Variants in BFAR observed in about 807,000 individuals in gnomAD.
BFAR encodes bifunctional apoptosis regulator.
BFAR carries 52 observed loss-of-function variants against 54.4 expected under a neutral mutation model. That is an observed-to-expected ratio of 0.96 (90% confidence interval 0.77 to 1.21). BFAR has a LOEUF of 1.21. BFAR is among the 50% of genes most tolerant of loss of function. The probability of loss-of-function intolerance (pLI) is 0.00; values close to 1 mark genes in which losing one functional copy is unlikely to be tolerated. For synonymous variants in BFAR, 215 were observed against 204.3 expected (o/e 1.05, Z -0.45); for missense variants, 571 against 534.0 (o/e 1.07, Z -0.68).
In BFAR at chr16:14,655,110, A is replaced by G. The variant is rs370231919; in HGVS notation, c.683A>G (p.Tyr228Cys). 11 of 1,612,464 alleles carry G rather than the reference A, an allele frequency of 6.8e-6. 1 individual carries two copies. The Admixed American group carries it at 1.3e-4, about 20-fold the overall frequency. The change falls in exon 5 of 8, where the codon TAT becomes TGT. Residue 228 changes from tyrosine (Y) to cysteine (C), a missense_variant. Physicochemically the swap from Tyr to Cys is radical, Grantham distance 194 (BLOSUM62 -2). Transcript: ENST00000261658. ...GAGGAAGAATTTTCCAAGACGCCCT[A>G]TACCATAGAAAACAGCAGCCACAGG... ...LTEEEFSKTP[Y>C]TIENSSHRRA...
chr16:14,642,639 G>A (rs570828864), intron 1 of BFAR, among the ~76,000 whole-genome samples: 1 of 152,102 alleles, frequency 6.6e-6, no homozygotes, highest in Non-Finnish European at 1.5e-5. Context: ...AGGGTATATT[G>A]AGCCATGGCA....
At chr16:14,652,222 GC>G (rs1181625754) in intron 4 of BFAR, among the ~76,000 whole-genome samples, 2 of 151,772 alleles carry the variant, frequency 1.3e-5, no homozygotes, top group Admixed American at 6.6e-5. Context: ...AAGGGATACA[GC>G]AGCTATGAGC....
In BFAR at chr16:14,644,279, T is replaced by C. The variant is rs550075458; in HGVS notation, c.-68T>C. ...TCTCTGTTTTTTTTTTCTAGATTAA[T>C]GATGTTTTGCAGCAGTTTTCTACGT... On this transcript the variant is annotated 5_prime_UTR_variant, in exon 2 of 8. An upstream start codon of the reference 5' UTR is lost. Transcript: ENST00000261658. 6.2e-6 allele frequency: 9 copies of C among 1,446,468 alleles called. No homozygotes were observed. In the East Asian group the frequency reaches 1.8e-4, roughly 29 times the overall value. 89.6% of individuals were successfully genotyped at this position (1,446,468 alleles called of 1,614,324 possible).
In BFAR at chr16:14,651,914, T is replaced by G. The variant is rs1421043339; in HGVS notation, c.638+1941T>G. Among the ~76,000 whole-genome samples the G allele has an allele frequency of 3.6e-5, 5 of 137,950 alleles. No homozygotes were observed. In the East Asian group the frequency reaches 1.1e-3, roughly 30 times the overall value. The allele number at this position is 137,950 out of a possible 152,430, so 90.5% of individuals were successfully genotyped here. A position where few individuals can be genotyped will look rare whatever the true frequency, so the allele number is the denominator to read the frequency against. On this transcript the variant is annotated intron_variant, in intron 4 of 7. Coordinates refer to ENST00000261658, the MANE Select transcript of BFAR (RefSeq NM_016561.3). Reference sequence around the variant, plus strand: ...TTTTTTTTTTTTTTTTTAGATGGAGTCTCGCTCTGTCCTTCAGGCTGGAGT... The same window carrying G: ...TTTTTTTTTTTTTTTTTAGATGGAGGCTCGCTCTGTCCTTCAGGCTGGAGT...
chr16:14,650,094 G>A, intron 4 of BFAR, 121 bp downstream of exon 4: 2 of 995,978 alleles, frequency 2.0e-6, no homozygotes, highest in South Asian at 2.4e-5. Context: ...GGCCGAGGCG[G>A]ATCGATCATT....
chr16:14,634,628 G>C (rs920903867), intron 1 of BFAR, among the ~76,000 whole-genome samples: 4 of 152,184 alleles, frequency 2.6e-5, no homozygotes, highest in African/African-American at 9.6e-5. Flanking sequence ...CAGGAGACCA[G>C]ACCAACCTAG....
chr16:14,648,683 A>C, intron 3 of BFAR, 91 bp downstream of exon 3: 1 of 919,760 alleles, frequency 1.1e-6, no homozygotes, highest in South Asian at 1.5e-5. Flanking sequence ...GAAATCACTG[A>C]AATAATTGAT....
chr16:14,649,070 CTTTTTTTTTTT>C (rs544187036), intron 3 of BFAR, among the ~76,000 whole-genome samples: 2 of 104,472 alleles, frequency 1.9e-5, no homozygotes, highest in African/African-American at 3.8e-5. Flanking sequence ...ATCTCTTGCT[CTTTTTTTTTTT>C]TTTTTTTTTT....
chr16:14,638,021 C>T (rs1422812264), intron 1 of BFAR, among the ~76,000 whole-genome samples: 7 of 151,280 alleles, frequency 4.6e-5, no homozygotes, highest in Non-Finnish European at 7.4e-5. Context: ...TAATATATAA[C>T]GAGAGAATTT....
intron 3 of BFAR, among the ~76,000 whole-genome samples, chr16:14,649,070 C>CTTTTTTTT (rs544187036): frequency 4.8e-5 from 5 of 104,486 alleles, no homozygotes; most frequent in Non-Finnish European, 9.4e-5. Context: ...ATCTCTTGCT[C>CTTTTTTTT]TTTTTTTTTT....
At chr16:14,639,565 T>C (rs1475916532) in intron 1 of BFAR, among the ~76,000 whole-genome samples, 1 of 152,138 alleles carries the variant, frequency 6.6e-6, no homozygotes, top group Non-Finnish European at 1.5e-5. Context: ...ACCTCCATTT[T>C]GGTAGACAGA....
chr16:14,645,611 G>A (rs1959769186), intron 2 of BFAR, among the ~76,000 whole-genome samples: 1 of 152,102 alleles, frequency 6.6e-6, no homozygotes, highest in Non-Finnish European at 1.5e-5. Context: ...AAAGTTCCAT[G>A]AACCCAACCT....
intron 4 of BFAR, among the ~76,000 whole-genome samples, chr16:14,653,477 G>A (rs1211792526): frequency 3.9e-5 from 6 of 151,904 alleles, no homozygotes; most frequent in South Asian, 4.1e-4. Context: ...ACAGGCACAC[G>A]CCACCATGCC....
intron 5 of BFAR, among the ~76,000 whole-genome samples, chr16:14,657,232 G>T (rs1438483922): frequency 6.6e-6 from 1 of 151,868 alleles, no homozygotes; most frequent in Admixed American, 6.6e-5. Flanking sequence ...TGTGTTATTT[G>T]GTTTTTGTTT....
rs55673619 is a variant in BFAR, at chr16:14,654,493, C to CTTTTTTTTT, written c.639-556_639-548dup. On this transcript the variant is annotated intron_variant, in intron 4 of 7. Transcript: ENST00000261658. ...ACCTTATTTCTCTAAGTGAGTTTTC[C>CTTTTTTTTT]TTTTTTTTTTTTTTTTTTTTTTTTT... is the stretch of plus-strand genomic sequence containing the variant. Among the ~76,000 whole-genome samples, 3 of 89,140 alleles carry CTTTTTTTTT rather than the reference C, an allele frequency of 3.4e-5. 1 individual carries two copies. Among genetic ancestry groups the CTTTTTTTTT allele is most frequent in the East Asian group, 3.5e-4 (1 of 2,848 alleles). 58.5% of individuals were successfully genotyped at this position (89,140 alleles called of 152,430 possible). A position where few individuals can be genotyped will look rare whatever the true frequency, so the allele number is the denominator to read the frequency against.
intron 2 of BFAR, among the ~76,000 whole-genome samples, chr16:14,648,016 G>A (rs1248959971): frequency 6.6e-6 from 1 of 152,106 alleles, no homozygotes; most frequent in Non-Finnish European, 1.5e-5. Flanking sequence ...CCGGTGGGCA[G>A]ATTGCCTGAG....
At chr16:14,634,903 G>A (rs1325637922) in intron 1 of BFAR, among the ~76,000 whole-genome samples, 1 of 152,300 alleles carries the variant, frequency 6.6e-6, no homozygotes, top group East Asian at 1.9e-4. Context: ...AGACAAGAAA[G>A]ATTAATTTGG....
Position 14,667,775 on chromosome 16 carries a change from A to T in BFAR, c.1301A>T (p.Asn434Ile), listed in dbSNP as rs199732417. 40 of 1,613,988 alleles carry T rather than the reference A, an allele frequency of 2.5e-5. No individual in the cohort carries two copies. The highest frequency in any genetic ancestry group is 1.0e-5 in the Non-Finnish European group (12 of 1,180,038). The change falls in exon 8 of 8, where the codon AAC (asparagine) becomes ATC (isoleucine). Residue 434 changes from asparagine to isoleucine, a missense_variant. Coordinates refer to ENST00000261658, the MANE Select transcript of BFAR (RefSeq NM_016561.3). ...GCCCTGTACTTTAACCCAATTATTA[A>T]CATTGATCTTGTGGTCAAGGAACTC... ...YWALYFNPII[N>I]IDLVVKELRR...
chr16:14,653,046 A>T (rs1190872824), intron 4 of BFAR, among the ~76,000 whole-genome samples: 1 of 152,196 alleles, frequency 6.6e-6, no homozygotes, highest in African/African-American at 2.4e-5. Flanking sequence ...ACCTCCCGCA[A>T]AATTATGGTA....
Sources: allele counts gnomAD v4.1 joint callset (sites outside exome capture counted in the v4.1 genomes callset), GRCh38; gene constraint gnomAD v4.1.1; transcripts MANE v1.5; gene names NCBI Gene and HGNC (gene_info 2026-07-23, HGNC 2026-07-21).